AK9: variants seen among roughly 807,000 people sequenced by gnomAD.
AK9 encodes the protein adenylate kinase 9.
A neutral mutation model predicts 239.6 loss-of-function variants in AK9; 191 were observed. The ratio of observed to expected loss-of-function variants is 0.80; its 90% CI spans 0.71 to 0.90. The LOEUF (loss-of-function observed/expected upper bound fraction) is 0.90. Among genes scored for constraint, AK9 ranks in the 40% least tolerant of loss-of-function variants. The pLI, the probability that AK9 is intolerant of heterozygous loss-of-function variation, is 0.00. For missense variants in AK9, 1,995 were observed against 2,214.7 expected, an observed-to-expected ratio of 0.90 and a Z score of 1.99; for synonymous variants, 689 against 721.0, an observed-to-expected ratio of 0.96 and a Z score of 0.71.
At chr6:109,615,715 C>T (rs1794099388) in intron 13 of AK9, among the ~76,000 whole-genome samples, 1 of 151,998 alleles carries the variant, frequency 6.6e-6, no homozygotes, top group African/African-American at 2.4e-5. Flanking sequence ...ATACTGTGTT[C>T]TCATCTAGCA....
chr6:109,650,415 G>A (rs563409460), intron 8 of AK9, among the ~76,000 whole-genome samples: 1 of 152,176 alleles, frequency 6.6e-6, no homozygotes, highest in East Asian at 1.9e-4. Context: ...CAAAAAGTGG[G>A]CAAAGGATAT....
chr6:109,677,488 T>C (rs1195933980), intron 1 of AK9, among the ~76,000 whole-genome samples: 1 of 152,142 alleles, frequency 6.6e-6, no homozygotes, highest in Non-Finnish European at 1.5e-5. Flanking sequence ...TGTAAAGATA[T>C]CTATTATGTT....
intron 33 of AK9, among the ~76,000 whole-genome samples, chr6:109,507,106 C>T (rs955570856): frequency 6.6e-6 from 1 of 152,176 alleles, no homozygotes; most frequent in Non-Finnish European, 1.5e-5. Flanking sequence ...ATAACTCCCA[C>T]AGTACCTTGA....
intron 17 of AK9, among the ~76,000 whole-genome samples, chr6:109,601,977 G>A (rs551118606): frequency 1.1e-4 from 16 of 152,164 alleles, no homozygotes; most frequent in African/African-American, 2.6e-4. Flanking sequence ...GTGTCTGCAC[G>A]TGAGATGGGT....
At chr6:109,675,870 T>A in intron 1 of AK9, 114 bp from the exon 2 acceptor site, 1 of 581,888 alleles carries the variant, frequency 1.7e-6, no homozygotes, top group Non-Finnish European at 3.0e-6. Context: ...TTTGTACCAT[T>A]AAACACATGA....
intron 13 of AK9, among the ~76,000 whole-genome samples, chr6:109,615,472 T>C (rs548820512): frequency 6.6e-6 from 1 of 152,274 alleles, no homozygotes; most frequent in African/African-American, 2.4e-5. Context: ...TGAGCCAATA[T>C]TTCTCCAGCT....
chr6:109,657,183 TC>T (rs1799806454), intron 7 of AK9, among the ~76,000 whole-genome samples: 1 of 152,176 alleles, frequency 6.6e-6, no homozygotes, highest in Admixed American at 6.6e-5. Flanking sequence ...AAATTAGATT[TC>T]CTGTGAACAC....
chr6:109,513,502 C>T (rs1259798692), intron 32 of AK9, among the ~76,000 whole-genome samples: 1 of 152,120 alleles, frequency 6.6e-6, no homozygotes, highest in Non-Finnish European at 1.5e-5. Flanking sequence ...TGGGCCATTT[C>T]AGAGTTGGGT....
intron 13 of AK9, among the ~76,000 whole-genome samples, chr6:109,615,257 G>GT (rs1794035137): frequency 3.0e-5 from 3 of 99,264 alleles, no homozygotes; most frequent in Admixed American, 1.3e-4. Flanking sequence ...TGTTCCCTTG[G>GT]CTTTTTTTTT....
chr6:109,615,853 A>ACATCTCCCCCG (rs1431355451), intron 13 of AK9, among the ~76,000 whole-genome samples: 4 of 152,192 alleles, frequency 2.6e-5, no homozygotes, highest in African/African-American at 9.6e-5. Flanking sequence ...CAAATAGAGA[A>ACATCTCCCCCG]CATCTCCCCC....
intron 3 of AK9, 137 bp from the exon 4 acceptor site, chr6:109,672,304 C>T (rs1771037593): frequency 1.3e-6 from 1 of 770,048 alleles, no homozygotes; most frequent in Non-Finnish European, 2.1e-6. Flanking sequence ...CAAATGTATG[C>T]ATATTACTTC....
chr6:109,605,578 A>G (rs1562484338), intron 17 of AK9, among the ~76,000 whole-genome samples: 1 of 152,168 alleles, frequency 6.6e-6, no homozygotes, highest in African/African-American at 2.4e-5. Context: ...GCAAATGGAT[A>G]AAGAGCAAAT....
rs1779047737 is a variant in AK9, at chr6:109,514,303, A to G, written c.4200T>C (p.Tyr1400=). The G allele has an allele frequency of 6.4e-7, 1 of 1,551,834 alleles. No individual in the cohort carries two copies. The highest frequency in any genetic ancestry group is 8.7e-7 in the Non-Finnish European group (1 of 1,146,970). The part of the protein sequence containing the change: ...KEKFMKNPIK[Y]IRQPKPKPTV... ...TAGGCTTAGGTTTGGGTTGGCGGAT[A>G]TATTTGATTGGGTTCTTCATAAATT... Residue 1400 remains tyrosine (Y), a synonymous_variant, in exon 32 of 41, where the codon TAT becomes TAC. Transcript: ENST00000424296.
chr6:109,663,487 T>C (rs1334657872), intron 5 of AK9, among the ~76,000 whole-genome samples: 1 of 152,196 alleles, frequency 6.6e-6, no homozygotes, highest in East Asian at 1.9e-4. Context: ...CTGATAGCAT[T>C]TGTTGCCAGT....
At chr6:109,520,394 G>T (rs1021448975) in intron 29 of AK9, among the ~76,000 whole-genome samples, 17 of 151,898 alleles carry the variant, frequency 1.1e-4, no homozygotes, top group Admixed American at 2.0e-4. Flanking sequence ...ATTATTTTTT[G>T]TTGTTGTTGT....
intron 27 of AK9, among the ~76,000 whole-genome samples, chr6:109,537,998 A>G (rs1179699744): frequency 6.6e-6 from 1 of 152,104 alleles, no homozygotes; most frequent in African/African-American, 2.4e-5. Context: ...GTTCTTTTAC[A>G]TTTGCTGAGG....
At chr6:109,608,940 C>T (rs1793255364) in intron 17 of AK9, among the ~76,000 whole-genome samples, 1 of 152,120 alleles carries the variant, frequency 6.6e-6, no homozygotes, top group Non-Finnish European at 1.5e-5. Flanking sequence ...GAGCATATCT[C>T]TAGCTGTTTA....
intron 8 of AK9, among the ~76,000 whole-genome samples, chr6:109,647,479 A>G (rs1014321834): frequency 1.3e-4 from 20 of 152,198 alleles, no homozygotes; most frequent in Admixed American, 2.6e-4. Context: ...ACAAAGATCA[A>G]AAGAGACAAG....
intron 1 of AK9, among the ~76,000 whole-genome samples, chr6:109,677,447 A>G (rs1360264374): frequency 6.6e-6 from 1 of 152,154 alleles, no homozygotes; most frequent in Non-Finnish European, 1.5e-5. Context: ...AGAAAAAACC[A>G]TAATATATTT....
Sources: gnomAD v4.1 joint callset for allele counts (sites outside exome capture counted in the v4.1 genomes callset) on GRCh38, gnomAD v4.1.1 for gene constraint, MANE v1.5 for transcripts, NCBI Gene and HGNC (gene_info 2026-07-23, HGNC 2026-07-21) for gene names.